The following WNT2B variants were observed in gnomAD, a reference collection of about 807,000 sequenced individuals.
WNT2B encodes protein Wnt-2b.
A neutral mutation model predicts 40.5 loss-of-function variants in WNT2B; 19 were observed. That is an observed-to-expected ratio of 0.47 (90% CI 0.33 to 0.69). The LOEUF is 0.69. Ranked by LOEUF, WNT2B falls within the 30% of genes least tolerant of loss-of-function variation. WNT2B has a pLI of 0.02. For missense variants in WNT2B, 467 were observed against 556.4 expected (o/e 0.84, Z 1.62); for synonymous variants, 220 against 211.9 (o/e 1.04, Z -0.33).
At chr1:112,491,062 T>C (rs766689180) in intron 1 of WNT2B, 1 of 1,614,090 alleles carries the variant, frequency 6.2e-7, no homozygotes, top group South Asian at 1.1e-5. Flanking sequence ...ACAGTCAGCG[T>C]TCAACAAGTG....
At chr1:112,475,941 A>G (rs59947059) in intron 1 of WNT2B, among the ~76,000 whole-genome samples, 1 of 152,282 alleles carries the variant, frequency 6.6e-6, no homozygotes, top group East Asian at 1.9e-4. Flanking sequence ...AAATATAAAG[A>G]CATGTATAGG....
intron 4 of WNT2B, among the ~76,000 whole-genome samples, chr1:112,518,603 G>A (rs573506816): frequency 6.6e-6 from 1 of 152,276 alleles, no homozygotes; most frequent in Non-Finnish European, 1.5e-5. Flanking sequence ...CTAATTCAGA[G>A]GGTCACTCTC....
upstream of WNT2B, chr1:112,508,941 A>C (rs899197591): frequency 8.6e-7 from 1 of 1,168,082 alleles, no homozygotes; most frequent in African/African-American, 1.6e-5. This position sits in a 1 kb window ranked among gnomAD's most constrained non-coding sequence, Gnocchi z 4.2. Flanking sequence ...GTCCAATGAG[A>C]GCCCGCGGCC....
intron 1 of WNT2B, among the ~76,000 whole-genome samples, chr1:112,471,051 A>C (rs897012475): frequency 1.3e-5 from 2 of 152,136 alleles, no homozygotes; most frequent in African/African-American, 4.8e-5. Context: ...GTGCCACTGT[A>C]ACCCTCTGAG....
chr1:112,486,470 C>T lies in WNT2B; in HGVS notation c.-95+18879C>T, dbSNP rs530049607. 6.6e-4 allele frequency among the ~76,000 whole-genome samples: 100 copies of T among 152,062 alleles called. 1 individual carries two copies. Among genetic ancestry groups the T allele is most frequent in the African/African-American group, 2.3e-3 (96 of 41,506 alleles). On this transcript the variant is annotated intron_variant, in intron 1 of 4. Coordinates refer to the WNT2B transcript ENST00000256640. Reference sequence around the variant, plus strand: ...AAACAAAACAAAACAAAAGAACATACCAAAAGCACTACCCATAAAGAACCA... The same window carrying T: ...AAACAAAACAAAACAAAAGAACATATCAAAAGCACTACCCATAAAGAACCA...
At position 112,528,587 on chromosome 1, in the gene WNT2B, A is replaced by G. The variant is rs1653844490; in HGVS notation, c.*8078A>G. 6.6e-6 allele frequency: 1 copy of G among 152,240 alleles called. No individual in the cohort carries two copies. 9.4% of individuals were successfully genotyped at this position (152,240 alleles called of 1,614,324 possible). A position where few individuals can be genotyped will look rare whatever the true frequency, so the allele number is the denominator to read the frequency against. On this transcript the variant is annotated 3_prime_UTR_variant, in exon 5 of 5. Transcript: ENST00000369684. ...TTTGAGATTCTGGGCTAAGTAAGAG[A>G]TATCAAATATCCTATCCAGTACTGT...
chr1:112,473,319 A>G (rs943352759), intron 1 of WNT2B, among the ~76,000 whole-genome samples: 13 of 152,120 alleles, frequency 8.5e-5, no homozygotes, highest in Admixed American at 7.9e-4. Flanking sequence ...AATTACATTA[A>G]AATAGCTATT....
In WNT2B at chr1:112,509,988, C is replaced by T. The variant is rs957360492; in HGVS notation, c.182+544C>T. On this transcript the variant is annotated intron_variant, in intron 1 of 4. Transcript: ENST00000369684. The surrounding 1 kb of genome is among the most constrained non-coding windows in gnomAD (Gnocchi z 4.2). ...ACTCCCACAATTAAAACAAACAAAA[C>T]GCATGGGTTTGCATTATCTAGGCAT... Among the ~76,000 whole-genome samples, 4 of 152,166 alleles carry T rather than the reference C, an allele frequency of 2.6e-5. No homozygotes were observed. The highest frequency in any genetic ancestry group is 9.7e-5 in the African/African-American group (4 of 41,436).
chr1:112,512,016 C>A (rs906734796), intron 1 of WNT2B, among the ~76,000 whole-genome samples: 2 of 151,094 alleles, frequency 1.3e-5, no homozygotes, highest in Non-Finnish European at 2.9e-5. Context: ...TCTCTGTGTT[C>A]AAAGTTCTAT....
At position 112,467,405 on chromosome 1, in the gene WNT2B, C is replaced by T. The variant is rs114514178; in HGVS notation, c.-281C>T. The stretch of plus-strand genomic sequence containing the variant: ...TTTAAGCTTCGAGGCCCATCACTGG[C>T]ATGGCCCCTTCCAAACCCTGAAGAG... On this transcript the variant is annotated 5_prime_UTR_variant, in exon 1 of 5. Transcript: ENST00000256640. 1,816 of 642,902 alleles carry T rather than the reference C, an allele frequency of 2.8e-3. 24 individuals are homozygous for T. The African/African-American group carries it at 0.029, about 10-fold the overall frequency. The allele number at this position is 642,902 out of a possible 1,614,324, so 39.8% of individuals were successfully genotyped here.
At chr1:112,496,888 T>C (rs765122263) in intron 1 of WNT2B, among the ~76,000 whole-genome samples, 3 of 152,184 alleles carry the variant, frequency 2.0e-5, no homozygotes, top group Non-Finnish European at 4.4e-5. Context: ...CGTGAGCCAC[T>C]GTGCCCAGCC....
chr1:112,473,032 A>G (rs1256750321), intron 1 of WNT2B, among the ~76,000 whole-genome samples: 1 of 132,954 alleles, frequency 7.5e-6, no homozygotes, highest in Non-Finnish European at 1.6e-5. Context: ...GGAAGGAGGG[A>G]GAAAGGGAGA....
chr1:112,472,668 G>T (rs1369083439), intron 1 of WNT2B, among the ~76,000 whole-genome samples: 1 of 151,234 alleles, frequency 6.6e-6, no homozygotes, highest in African/African-American at 2.4e-5. Context: ...GCAGTCAAAA[G>T]GTAAAAATCA....
chr1:112,486,639 G>T (rs1651426930), intron 1 of WNT2B, among the ~76,000 whole-genome samples: 2 of 148,360 alleles, frequency 1.3e-5, no homozygotes, highest in African/African-American at 5.0e-5. Context: ...AACATATGAA[G>T]AACTTTCTAA....
intron 1 of WNT2B, among the ~76,000 whole-genome samples, chr1:112,498,981 G>A (rs1651863430): frequency 6.6e-6 from 1 of 152,170 alleles, no homozygotes; most frequent in South Asian, 2.1e-4. Flanking sequence ...GCCGAGGCAG[G>A]TGGATCACGA....
chr1:112,508,683 G>A (rs199779362), upstream of WNT2B: 14 of 983,162 alleles, frequency 1.4e-5, no homozygotes, highest in African/African-American at 1.7e-5. This position sits in a 1 kb window ranked among gnomAD's most constrained non-coding sequence, Gnocchi z 4.2. Flanking sequence ...TGGGGCTGCT[G>A]AGTGAAGGGC....
chr1:112,494,077 AGGCG>A (rs1433197288), intron 1 of WNT2B, among the ~76,000 whole-genome samples: 60 of 151,614 alleles, frequency 4.0e-4, no homozygotes, highest in Middle Eastern at 3.4e-3. Context: ...TGGGAGGCTG[AGGCG>A]GGTGGATTGC....
In WNT2B at chr1:112,523,989, G is replaced by C. The variant is rs1653033710; in HGVS notation, c.*3480G>C. ...TGATGCTGGAAAAATAAAATCAGGG[G>C]CTTCAGATTAAAAAAAAAAACAAAA... On this transcript the variant is annotated 3_prime_UTR_variant, in exon 5 of 5. Transcript: ENST00000369684. The C allele has an allele frequency of 6.6e-6, 1 of 151,016 alleles. No individual in the cohort carries two copies. Among genetic ancestry groups the C allele is most frequent in the Non-Finnish European group, 1.5e-5 (1 of 67,832 alleles). The allele number at this position is 151,016 out of a possible 1,614,324, so 9.4% of individuals were successfully genotyped here. A position where few individuals can be genotyped will look rare whatever the true frequency, so the allele number is the denominator to read the frequency against.
chr1:112,490,907 C>A, intron 1 of WNT2B: 1 of 1,182,184 alleles, frequency 8.5e-7, no homozygotes. Context: ...CCCTGGATTC[C>A]CAATAGCTCT....
Sources: allele counts gnomAD v4.1 joint callset (sites outside exome capture counted in the v4.1 genomes callset), GRCh38; gene constraint gnomAD v4.1.1; non-coding constraint Gnocchi (gnomAD v3.1); transcripts MANE v1.5; gene names NCBI Gene and HGNC (gene_info 2026-07-23, HGNC 2026-07-21).